The following ECT2L variants were observed in gnomAD, a reference collection of about 807,000 sequenced individuals.
ECT2L encodes the protein epithelial cell transforming 2 like.
Under a neutral mutation model 122.8 loss-of-function variants are expected in ECT2L, and 126 were observed. The ratio of observed to expected loss-of-function variants is 1.03; its 90% CI spans 0.89 to 1.19. The LOEUF (loss-of-function observed/expected upper bound fraction) is 1.19. Among genes scored for constraint, ECT2L ranks in the 50% most tolerant of loss-of-function variants. The pLI is 0.00. For missense variants in ECT2L, 1,012 were observed against 1,064.1 expected, an observed-to-expected ratio of 0.95 and a Z score of 0.68; for synonymous variants, 385 against 381.8, an observed-to-expected ratio of 1.01 and a Z score of -0.10.
At chr6:138,899,169 TAA>T (rs1283331305) in intron 20 of ECT2L, among the ~76,000 whole-genome samples, 1 of 146,598 alleles carries the variant, frequency 6.8e-6, no homozygotes, top group Non-Finnish European at 1.5e-5. Context: ...AAAAATGAAG[TAA>T]GAGAGAGAGG....
chr6:138,833,978 C>A (rs1776741045), intron 4 of ECT2L, among the ~76,000 whole-genome samples: 1 of 152,148 alleles, frequency 6.6e-6, no homozygotes, highest in Admixed American at 6.5e-5. Flanking sequence ...CCACTCTCCC[C>A]TCCACAGGCC....
intron 13 of ECT2L, among the ~76,000 whole-genome samples, chr6:138,869,648 C>G (rs1778177347): frequency 6.6e-6 from 1 of 152,096 alleles, no homozygotes; most frequent in Non-Finnish European, 1.5e-5. Context: ...ACTCAGCATG[C>G]TTGGTGTCAG....
intron 4 of ECT2L, among the ~76,000 whole-genome samples, chr6:138,835,906 G>C (rs1373676803): frequency 6.6e-6 from 1 of 152,188 alleles, no homozygotes; most frequent in Non-Finnish European, 1.5e-5. Flanking sequence ...TCAATGTGGA[G>C]CAAATGCTCA....
chr6:138,847,355 C>CTT (rs1170631663), intron 8 of ECT2L, among the ~76,000 whole-genome samples: 875 of 54,952 alleles, frequency 0.016, 227 homozygotes, highest in Middle Eastern at 0.02. Flanking sequence ...AAGGCCCAAA[C>CTT]TTTTTTTTTT....
intron 4 of ECT2L, among the ~76,000 whole-genome samples, chr6:138,830,805 G>A (rs955673889): frequency 6.6e-6 from 1 of 152,152 alleles, no homozygotes; most frequent in African/African-American, 2.4e-5. Context: ...CCTCCAGCCT[G>A]TGGGAACTCT....
chr6:138,846,467 A>G, intron 7 of ECT2L, 72 bp from the exon 8 acceptor site: 1 of 1,434,936 alleles, frequency 7.0e-7, no homozygotes, highest in Non-Finnish European at 9.4e-7. Flanking sequence ...GCCCAGAGAC[A>G]TATGCTGTGT....
At chr6:138,897,332 A>T (rs921933338) in intron 20 of ECT2L, among the ~76,000 whole-genome samples, 1 of 152,174 alleles carries the variant, frequency 6.6e-6, no homozygotes, top group Admixed American at 6.5e-5. Flanking sequence ...AAAAATAAAT[A>T]AATACAATTA....
At chr6:138,901,739 T>C (rs1011647783) in intron 21 of ECT2L, among the ~76,000 whole-genome samples, 1 of 152,238 alleles carries the variant, frequency 6.6e-6, no homozygotes, top group African/African-American at 2.4e-5. Context: ...TAAAAGGATC[T>C]GTATCTTATT....
At chr6:138,821,441 A>G (rs1341968074) in intron 4 of ECT2L, among the ~76,000 whole-genome samples, 9 of 152,030 alleles carry the variant, frequency 5.9e-5, no homozygotes, top group Non-Finnish European at 1.0e-4. Flanking sequence ...AGATGTGTCC[A>G]GAAGAAAAAA....
At position 138,833,716 on chromosome 6, in the gene ECT2L, C is replaced by T. The variant is rs150292384; in HGVS notation, c.180-4636C>T. ...GCTCAGGAGGCTGAGACAGGAGAATCGCTTGAATCCAGAAGGTGGAGGTTG... is the reference window on the plus strand; with the variant it reads ...GCTCAGGAGGCTGAGACAGGAGAATTGCTTGAATCCAGAAGGTGGAGGTTG... On this transcript the variant is annotated intron_variant, in intron 4 of 21. Coordinates refer to ENST00000541398, the MANE Select transcript of ECT2L (RefSeq NM_001077706.3). 4.1e-3 allele frequency among the ~76,000 whole-genome samples: 621 copies of T among 152,128 alleles called. 3 individuals are homozygous for T. Among genetic ancestry groups the T allele is most frequent in the African/African-American group, 0.014 (571 of 41,496 alleles).
chr6:138,849,487 T>G (rs544778674), intron 9 of ECT2L, 53 bp downstream of exon 9: 1 of 1,522,444 alleles, frequency 6.6e-7, no homozygotes. Context: ...GCTGTGCACT[T>G]TGTCCACAGT....
chr6:138,798,641 G>A (rs957797895), intron 1 of ECT2L, among the ~76,000 whole-genome samples: 5 of 152,114 alleles, frequency 3.3e-5, no homozygotes, highest in Admixed American at 1.3e-4. Context: ...GTCAATTTCC[G>A]AGTTCCTCAT....
chr6:138,844,702 A>G (rs1777161724), intron 7 of ECT2L, 122 bp downstream of exon 7: 1 of 845,508 alleles, frequency 1.2e-6, no homozygotes, highest in Non-Finnish European at 1.8e-6. Context: ...CCTATGAAAT[A>G]TCAGTAAAGA....
intron 1 of ECT2L, among the ~76,000 whole-genome samples, chr6:138,803,489 C>T (rs1033316086): frequency 3.3e-5 from 5 of 152,162 alleles, no homozygotes; most frequent in Admixed American, 2.6e-4. Context: ...ATAAAAATCC[C>T]ATATGTTGGC....
At chr6:138,843,791 G>C (rs891525386) in intron 6 of ECT2L, among the ~76,000 whole-genome samples, 1 of 152,148 alleles carries the variant, frequency 6.6e-6, no homozygotes, top group East Asian at 1.9e-4. Context: ...TGAGGCTCAA[G>C]TGATCCTCCC....
chr6:138,879,147 A>G (rs901606143), intron 14 of ECT2L: 12 of 239,630 alleles, frequency 5.0e-5, no homozygotes, highest in African/African-American at 2.8e-4. Flanking sequence ...CATCTGACAA[A>G]TTGGAATCTG....
chr6:138,859,604 T>C (rs531049125), intron 10 of ECT2L, among the ~76,000 whole-genome samples: 1 of 152,276 alleles, frequency 6.6e-6, no homozygotes, highest in South Asian at 2.1e-4. Context: ...CTCATTGCAG[T>C]TTTAATTTGC....
intron 4 of ECT2L, among the ~76,000 whole-genome samples, chr6:138,834,797 C>G (rs1776765670): frequency 6.6e-6 from 1 of 151,700 alleles, no homozygotes; most frequent in Non-Finnish European, 1.5e-5. Context: ...ATTACCTGTG[C>G]TTTATTGTTG....
intron 9 of ECT2L, among the ~76,000 whole-genome samples, chr6:138,853,231 G>A (rs1777509863): frequency 6.6e-6 from 1 of 152,158 alleles, no homozygotes; most frequent in African/African-American, 2.4e-5. Flanking sequence ...CTCCCAAAGT[G>A]TTGGGATTAC....
Sources: allele counts gnomAD v4.1 joint callset (sites outside exome capture counted in the v4.1 genomes callset), GRCh38; gene constraint gnomAD v4.1.1; transcripts MANE v1.5; gene names NCBI Gene and HGNC (gene_info 2026-07-23, HGNC 2026-07-21).